Variants in PCDH11X observed in about 807,000 individuals in gnomAD.
PCDH11X encodes protocadherin-11 X-linked.
A neutral mutation model predicts 53.3 loss-of-function variants in PCDH11X; 18 were observed. The observed-to-expected ratio is 0.34, with a 90% CI of 0.23 to 0.50. The LOEUF is 0.50. PCDH11X is among the 20% of genes least tolerant of loss of function. The probability of loss-of-function intolerance (pLI) is 0.98; values close to 1 mark genes in which losing one functional copy is unlikely to be tolerated. For synonymous variants in PCDH11X, 279 were observed against 393.3 expected (o/e 0.71, Z 3.44); for missense variants, 570 against 1,032.4 (o/e 0.55, Z 6.14).
intron 8 of PCDH11X, among the ~76,000 whole-genome samples, chrX:92,352,331 A>T (rs1289045131): frequency 8.9e-6 from 1 of 111,939 alleles, no homozygotes; most frequent in Admixed American, 9.5e-5. Flanking sequence ...TATAAACTGA[A>T]GTTGTGATTG....
intron 8 of PCDH11X, among the ~76,000 whole-genome samples, chrX:92,346,454 G>A (rs1359173822): frequency 1.8e-5 from 2 of 110,572 alleles, no homozygotes; most frequent in African/African-American, 3.3e-5. Flanking sequence ...AGTTATTTCT[G>A]CTTCCAGTCA....
chrX:91,813,809 C>A (rs753344115), intron 4 of PCDH11X, among the ~76,000 whole-genome samples: 15 of 109,950 alleles, frequency 1.4e-4, no homozygotes, highest in African/African-American at 4.9e-4. Flanking sequence ...TTTAAAAAAA[C>A]CCTTTTCTTC....
rs1178895457 is a variant in PCDH11X at position 92,622,252 on chromosome X, A to G, written c.*3312A>G. ...CTTCCCAAACTAATATTTATCACAC[A>G]TGGTCATTAAATGGGAAAAAAATAG... On this transcript the variant is annotated 3_prime_UTR_variant, in exon 11 of 11. Coordinates refer to ENST00000682573, the MANE Select transcript of PCDH11X (RefSeq NM_032968.5). 9.5e-6 allele frequency: 1 copy of G among 105,059 alleles called. No individual in the cohort carries two copies. Among genetic ancestry groups the G allele is most frequent in the Non-Finnish European group, 2.0e-5 (1 of 51,123 alleles). 8.7% of individuals were successfully genotyped at this position (105,059 alleles called of 1,213,427 possible).
At chrX:92,085,128 C>A (rs977172629) in intron 6 of PCDH11X, among the ~76,000 whole-genome samples, 1 of 110,814 alleles carries the variant, frequency 9.0e-6, no homozygotes, top group African/African-American at 3.3e-5. Flanking sequence ...AGAGTAATCA[C>A]CTGATTGGCT....
intron 8 of PCDH11X, among the ~76,000 whole-genome samples, chrX:92,375,587 G>T (rs2070733657): frequency 9.2e-6 from 1 of 109,092 alleles, no homozygotes. Context: ...TATTTAAAGT[G>T]TTTACCTGTT....
At chrX:92,246,351 T>TTTG (rs1242475167) in intron 7 of PCDH11X, among the ~76,000 whole-genome samples, 2 of 111,218 alleles carry the variant, frequency 1.8e-5, no homozygotes, top group African/African-American at 3.3e-5. Context: ...TTTTTACTTT[T>TTTG]TTGTTGTTGT....
chrX:92,118,765 G>A (rs2146520), intron 6 of PCDH11X, among the ~76,000 whole-genome samples: 10,529 of 70,902 alleles, frequency 0.15, 942 homozygotes, highest in East Asian at 0.56. Context: ...TTTTTGAGAC[G>A]GAGTCTTGCT....
intron 6 of PCDH11X, among the ~76,000 whole-genome samples, chrX:92,104,275 A>G (rs773175626): frequency 6.4e-5 from 7 of 110,088 alleles, no homozygotes; most frequent in East Asian, 5.8e-4. Context: ...GACCTAGCTC[A>G]GCCTGTCGAG....
chrX:92,330,096 A>C (rs1268748014), intron 8 of PCDH11X, among the ~76,000 whole-genome samples: 3 of 111,014 alleles, frequency 2.7e-5, no homozygotes, highest in African/African-American at 9.8e-5. Context: ...CATGTAACCC[A>C]TAAGTATATA....
chrX:91,923,503 T>G (rs1270679259), intron 6 of PCDH11X, among the ~76,000 whole-genome samples: 38 of 110,214 alleles, frequency 3.4e-4, no homozygotes, highest in Non-Finnish European at 6.3e-4. Context: ...TTCTTTAGCT[T>G]TGGGACTCTT....
intron 6 of PCDH11X, among the ~76,000 whole-genome samples, chrX:91,963,533 C>T (rs1338990099): frequency 9.0e-6 from 1 of 111,594 alleles, no homozygotes; most frequent in Non-Finnish European, 1.9e-5. Context: ...CAAAGCCATT[C>T]ACCAAGTCTC....
chrX:91,869,016 A>G (rs1939138187), intron 5 of PCDH11X, among the ~76,000 whole-genome samples: 1 of 111,673 alleles, frequency 9.0e-6, no homozygotes, highest in Non-Finnish European at 1.9e-5. Flanking sequence ...ACCTGACTCA[A>G]TTTATACATA....
At chrX:92,290,943 T>G (rs1277186166) in intron 8 of PCDH11X, among the ~76,000 whole-genome samples, 2 of 100,108 alleles carry the variant, frequency 2.0e-5, no homozygotes, top group Non-Finnish European at 4.0e-5. Context: ...TCTCTGTAAC[T>G]CACGTTGGAG....
chrX:92,042,731 G>A (rs1312146514), intron 6 of PCDH11X, among the ~76,000 whole-genome samples: 5 of 94,538 alleles, frequency 5.3e-5, no homozygotes, highest in African/African-American at 1.6e-4. Context: ...TACACCTCCC[G>A]GGTTCAAGCG....
At chrX:91,959,442 C>A (rs977830086) in intron 6 of PCDH11X, among the ~76,000 whole-genome samples, 1 of 110,916 alleles carries the variant, frequency 9.0e-6, no homozygotes, top group African/African-American at 3.3e-5. Context: ...CAATGTCTCC[C>A]CATTTTCCAC....
At chrX:92,032,991 G>A (rs1300775828) in intron 6 of PCDH11X, among the ~76,000 whole-genome samples, 6 of 107,074 alleles carry the variant, frequency 5.6e-5, no homozygotes, top group Admixed American at 3.1e-4. Context: ...CATTTTTGTA[G>A]CTATAGGGTT....
chrX:92,475,626 T>C (rs893110299), intron 10 of PCDH11X, among the ~76,000 whole-genome samples: 4 of 112,002 alleles, frequency 3.6e-5, no homozygotes, highest in African/African-American at 1.3e-4. Context: ...TTTTGACCTT[T>C]GGGAGTTTGA....
chrX:91,878,999 A>G lies in PCDH11X; in HGVS notation c.2759A>G (p.Asn920Ser), dbSNP rs1486704939. The change falls in exon 6 of 11, where the codon AAT (asparagine) becomes AGT (serine). Residue 920 changes from asparagine (N) to serine (S), a missense_variant. By Grantham distance (46) the Asn-to-Ser change is conservative (BLOSUM62 1). This residue lies in a region of PCDH11X where 226 missense variants were observed against 457.5 expected (regional missense o/e 0.49). Coordinates refer to ENST00000682573, the MANE Select transcript of PCDH11X (RefSeq NM_032968.5). ...DLEEQTMGKY[N>S]WVTTPTTFKP... Reference sequence around the variant, plus strand: ...GAAGAGCAAACAATGGGAAAGTACAATTGGGTAACTACACCTACTACTTTC... The same window carrying G: ...GAAGAGCAAACAATGGGAAAGTACAGTTGGGTAACTACACCTACTACTTTC... The G allele has an allele frequency of 8.3e-7, 1 of 1,209,546 alleles. No individual in the cohort carries two copies. The highest frequency in any genetic ancestry group is 1.1e-6 in the Non-Finnish European group (1 of 895,151).
chrX:92,508,158 G>A (rs1424697422), intron 10 of PCDH11X, among the ~76,000 whole-genome samples: 3 of 110,636 alleles, frequency 2.7e-5, no homozygotes, highest in Non-Finnish European at 3.8e-5. Flanking sequence ...ATAGAAAAAA[G>A]CATAGTATAT....
Sources: gnomAD v4.1 joint callset for allele counts (sites outside exome capture counted in the v4.1 genomes callset) on GRCh38, gnomAD v4.1.1 for gene constraint, gnomAD v4.1.1 regional missense constraint, MANE v1.5 for transcripts, NCBI Gene and HGNC (gene_info 2026-07-23, HGNC 2026-07-21) for gene names.